ELFN2: variants seen among roughly 807,000 people sequenced by gnomAD.
ELFN2 encodes protein phosphatase 1 regulatory subunit 29.
A neutral mutation model predicts 45.5 loss-of-function variants in ELFN2; 17 were observed. The ratio of observed to expected loss-of-function variants is 0.37; its 90% CI spans 0.26 to 0.56. ELFN2 has a LOEUF of 0.56. ELFN2 is among the 20% of genes least tolerant of loss of function. The pLI is 0.77. For synonymous variants in ELFN2, 550 were observed against 551.5 expected (o/e 1.00, Z 0.04); for missense variants, 922 against 1,183.2 (o/e 0.78, Z 3.24).
chr22:37,413,692 C>T (rs1281022261), intron 2 of ELFN2, among the ~76,000 whole-genome samples: 1 of 152,192 alleles, frequency 6.6e-6, no homozygotes, highest in Non-Finnish European at 1.5e-5. Flanking sequence ...AGATATTATC[C>T]CCATTTTACA....
At chr22:37,388,563 G>T (rs1341083888) in intron 2 of ELFN2, among the ~76,000 whole-genome samples, 4 of 152,214 alleles carry the variant, frequency 2.6e-5, no homozygotes, top group Non-Finnish European at 5.9e-5. Flanking sequence ...TTTGAACCAG[G>T]TCTGTGACTC....
At chr22:37,359,454 G>T (rs1405111926) in intron 1 of ELFN2, among the ~76,000 whole-genome samples, 4 of 152,170 alleles carry the variant, frequency 2.6e-5, no homozygotes, top group Non-Finnish European at 5.9e-5. Context: ...CCTCTATGGG[G>T]TCTATTTCTT....
intron 1 of ELFN2, among the ~76,000 whole-genome samples, chr22:37,423,712 A>G (rs1158607433): frequency 6.6e-6 from 1 of 152,162 alleles, no homozygotes; most frequent in Non-Finnish European, 1.5e-5. Flanking sequence ...TACTATTTCA[A>G]TCAGCAGCAT....
At chr22:37,414,797 C>T (rs1392329062) in intron 2 of ELFN2, among the ~76,000 whole-genome samples, 2 of 152,190 alleles carry the variant, frequency 1.3e-5, no homozygotes, top group African/African-American at 4.8e-5. Flanking sequence ...TCCCCCTTCC[C>T]ATCCCAAGAC....
rs928014777 is a variant in ELFN2 at position 37,375,173 on chromosome 22, C to A, written c.362G>T (p.Gly121Val). The change falls in exon 3 of 3, where the codon GGC (glycine) becomes GTC (valine). Residue 121 changes from glycine (G) to valine (V), a missense_variant. Physicochemically the swap from Gly to Val is moderately radical, Grantham distance 109 (BLOSUM62 -3). This residue lies in a region of ELFN2 where 358 missense variants were observed against 540.4 expected (regional missense o/e 0.66). Transcript: ENST00000402918. ...GYNKLSNLTE[G>V]MLRGMSRLQF... ...CAGGCGGCTCATGCCTCGCAGCATG[C>A]CCTCCGTCAGGTTGCTGAGCTTGTT... is the stretch of plus-strand genomic sequence containing the variant. The A allele has an allele frequency of 6.2e-7, 1 of 1,614,012 alleles. No individual in the cohort carries two copies. The highest frequency in any genetic ancestry group is 8.5e-7 in the Non-Finnish European group (1 of 1,180,014).
At chr22:37,405,870 C>G (rs1932488499) in intron 2 of ELFN2, among the ~76,000 whole-genome samples, 1 of 151,548 alleles carries the variant, frequency 6.6e-6, no homozygotes, top group Non-Finnish European at 1.5e-5. Context: ...GGCACAATGG[C>G]TCGCGCTTGT....
intron 1 of ELFN2, among the ~76,000 whole-genome samples, chr22:37,346,683 G>A (rs1268907556): frequency 6.6e-6 from 1 of 152,208 alleles, no homozygotes. Flanking sequence ...TTCTCTTGGT[G>A]TGACAGCAGA....
At chr22:37,424,438 G>A (rs906011681) in intron 1 of ELFN2, among the ~76,000 whole-genome samples, 1 of 152,320 alleles carries the variant, frequency 6.6e-6, no homozygotes, top group Non-Finnish European at 1.5e-5. Flanking sequence ...GAGAAGGCTT[G>A]CTGAGTGTGC....
intron 2 of ELFN2, among the ~76,000 whole-genome samples, chr22:37,385,721 G>C (rs977603351): frequency 6.6e-6 from 1 of 152,148 alleles, no homozygotes; most frequent in Non-Finnish European, 1.5e-5. Context: ...ACCCAAGGGT[G>C]CCCCGATCCC....
chr22:37,408,233 G>C (rs1015251992), intron 2 of ELFN2, among the ~76,000 whole-genome samples: 1 of 152,210 alleles, frequency 6.6e-6, no homozygotes, highest in African/African-American at 2.4e-5. Flanking sequence ...AGACAGGTAT[G>C]TGCCTGATGA....
At chr22:37,414,153 G>C (rs892465149) in intron 2 of ELFN2, among the ~76,000 whole-genome samples, 4 of 152,208 alleles carry the variant, frequency 2.6e-5, no homozygotes, top group African/African-American at 7.2e-5. Flanking sequence ...ACTTGAGATA[G>C]AGCAGAGAAC....
intron 2 of ELFN2, among the ~76,000 whole-genome samples, chr22:37,391,214 C>G (rs548559671): frequency 6.6e-6 from 1 of 152,278 alleles, no homozygotes; most frequent in African/African-American, 2.4e-5. Flanking sequence ...CCTCTGGCTC[C>G]CGACCCCCAT....
intron 1 of ELFN2, among the ~76,000 whole-genome samples, chr22:37,349,183 G>C (rs1930766003): frequency 6.6e-6 from 1 of 151,252 alleles, no homozygotes; most frequent in African/African-American, 2.4e-5. Flanking sequence ...AGGAGGCCTG[G>C]GTGCAGATCC....
At chr22:37,366,097 C>T (rs1482644419), downstream of ELFN2, among the ~76,000 whole-genome samples, 1 of 152,112 alleles carries the variant, frequency 6.6e-6, no homozygotes, top group Non-Finnish European at 1.5e-5. Flanking sequence ...TTGAAGTGTG[C>T]AGAAAGGGAA....
chr22:37,420,414 T>TCTCTG (rs1932801459), intron 1 of ELFN2: 1 of 152,914 alleles, frequency 6.5e-6, no homozygotes, highest in East Asian at 1.9e-4. Flanking sequence ...CAGGACGTCT[T>TCTCTG]CTCTGCTCTC....
intron 2 of ELFN2, among the ~76,000 whole-genome samples, chr22:37,402,302 C>T (rs1364132948): frequency 6.6e-6 from 1 of 152,222 alleles, no homozygotes; most frequent in African/African-American, 2.4e-5. Context: ...CCAAAGGCAG[C>T]CTGTGGTTCG....
rs575610775 is a variant in ELFN2, at chr22:37,420,028, G to A, written c.-613-2109C>T. Among the ~76,000 whole-genome samples the A allele has an allele frequency of 8.5e-5, 13 of 152,286 alleles. No individual in the cohort carries two copies. In the South Asian group the frequency reaches 2.5e-3, roughly 29 times the overall value. ...GCTGCGGCTGCAAATTCTAAACACA[G>A]GCAAGTAAGGAGGAAAGCCGGGCCA... On this transcript the variant is annotated intron_variant, in intron 1 of 2. Coordinates refer to ENST00000402918, the MANE Select transcript of ELFN2 (RefSeq NM_052906.5).
chr22:37,417,369 G>A lies in ELFN2; in HGVS notation c.-463+400C>T, dbSNP rs1932770981. ...CCCACCTGAGCGAGACCCCCACCAT[G>A]TTGTCCCAGGCCTTCCCCTGGAAGC... is the stretch of plus-strand genomic sequence containing the variant. On this transcript the variant is annotated intron_variant, in intron 2 of 2. Coordinates refer to ENST00000402918, the MANE Select transcript of ELFN2 (RefSeq NM_052906.5). This position sits in a 1 kb window ranked among gnomAD's most constrained non-coding sequence, Gnocchi z 4.5. 6.6e-6 allele frequency among the ~76,000 whole-genome samples: 1 copy of A among 152,158 alleles called. No homozygotes were observed. Among genetic ancestry groups the A allele is most frequent in the South Asian group, 2.1e-4 (1 of 4,830 alleles).
chr22:37,375,340 G>C lies in ELFN2; in HGVS notation c.195C>G (p.Asn65Lys). ...STVHDLRLNE[N>K]KLKAVLYSSL... ...AGGAGTAGAGCACGGCTTTGAGCTT[G>C]TTCTCGTTGAGCCGCAGGTCGTGCA... is the stretch of plus-strand genomic sequence containing the variant. The change falls in exon 3 of 3, where the codon AAC becomes AAG. Residue 65 changes from asparagine to lysine, a missense_variant. Asn to Lys is a moderately conservative substitution (Grantham distance 94). Around this residue, in one of 2 missense-constraint regions of ELFN2, gnomAD observed 358 missense variants for 540.4 expected, o/e 0.66. Coordinates refer to ENST00000402918, the MANE Select transcript of ELFN2 (RefSeq NM_052906.5). 6.2e-7 allele frequency: 1 copy of C among 1,614,170 alleles called. No individual in the cohort carries two copies.
Sources: allele counts gnomAD v4.1 joint callset (sites outside exome capture counted in the v4.1 genomes callset), GRCh38; gene constraint gnomAD v4.1.1; regional missense constraint gnomAD v4.1.1; non-coding constraint Gnocchi (gnomAD v3.1); transcripts MANE v1.5; gene names NCBI Gene and HGNC (gene_info 2026-07-23, HGNC 2026-07-21).